ZDHHC16: variants seen among roughly 807,000 people sequenced by gnomAD.
ZDHHC16 encodes palmitoyltransferase ZDHHC16.
Under a neutral mutation model 54.4 loss-of-function variants are expected in ZDHHC16, and 33 were observed. That is an observed-to-expected ratio of 0.61 (90% confidence interval 0.46 to 0.81). The LOEUF is 0.81. Ranked by LOEUF, ZDHHC16 falls within the 30% of genes least tolerant of loss-of-function variation. ZDHHC16 has a pLI of 0.00. For synonymous variants in ZDHHC16, 185 were observed against 182.1 expected, an observed-to-expected ratio of 1.02 and a Z score of -0.13; for missense variants, 420 against 485.9, an observed-to-expected ratio of 0.86 and a Z score of 1.28.
chr10:97,454,914 T>C (rs1847021976), intron 9 of ZDHHC16, 115 bp downstream of exon 9: 3 of 879,028 alleles, frequency 3.4e-6, no homozygotes, highest in Non-Finnish European at 5.5e-6. Flanking sequence ...CTAGTCTAAC[T>C]TAGGTTGGCA....
Position 97,453,786 on chromosome 10 carries a change from T to C in ZDHHC16, c.691-13T>C. ...CCTGAGAGTATAACCAGCACTGTTT[T>C]CCGTCCCCTTAGAAAATGAAACAGC... On this transcript the variant is annotated splice_polypyrimidine_tract_variant and intron_variant, in intron 7 of 11. Transcript: ENST00000393760. 1.2e-6 allele frequency: 2 copies of C among 1,614,226 alleles called. No individual in the cohort carries two copies. The highest frequency in any genetic ancestry group is 1.7e-6 in the Non-Finnish European group (2 of 1,180,040).
intron 3 of ZDHHC16, 77 bp downstream of exon 3, chr10:97,451,995 G>C (rs1050829218): frequency 1.9e-5 from 31 of 1,594,344 alleles, no homozygotes; most frequent in Non-Finnish European, 2.6e-5. Flanking sequence ...CCCAACCCAG[G>C]TTTTGGAGGC....
In ZDHHC16 at chr10:97,446,256, C is replaced by T. The variant is rs368361216; in HGVS notation, c.-283C>T. On this transcript the variant is annotated 5_prime_UTR_variant, in exon 1 of 12. Transcript: ENST00000393760. ...CGGGCCATGGTGGTTTGGATTGAGCCGGGCCCGGCCGGGGCGCCGAGTCGG... is the reference window on the plus strand; with the variant it reads ...CGGGCCATGGTGGTTTGGATTGAGCTGGGCCCGGCCGGGGCGCCGAGTCGG... 1.7e-4 allele frequency: 93 copies of T among 550,554 alleles called. No homozygotes were observed. The East Asian group carries it at 1.8e-3, about 11-fold the overall frequency. The allele number at this position is 550,554 out of a possible 1,614,324, so 34.1% of individuals were successfully genotyped here. A position where few individuals can be genotyped will look rare whatever the true frequency, so the allele number is the denominator to read the frequency against.
rs540392513 is a variant in ZDHHC16, at chr10:97,455,803, C to T, written c.948+20C>T. 3.2e-5 allele frequency: 51 copies of T among 1,610,614 alleles called. No individual in the cohort carries two copies. Among genetic ancestry groups the T allele is most frequent in the Non-Finnish European group, 3.7e-5 (44 of 1,177,176 alleles). ...GGCAGAGTGAGTAGGGTTGAAGGCTCGGGGTGGGTAGGTGGGTAACTGAAC... is the reference window on the plus strand; with the variant it reads ...GGCAGAGTGAGTAGGGTTGAAGGCTTGGGGTGGGTAGGTGGGTAACTGAAC... On this transcript the variant is annotated intron_variant, in intron 10 of 11. Transcript: ENST00000393760.
chr10:97,454,089 G>A (rs947361813), intron 8 of ZDHHC16, among the ~76,000 whole-genome samples: 44 of 152,280 alleles, frequency 2.9e-4, no homozygotes, highest in East Asian at 1.9e-4. Context: ...TCTTTGGGTC[G>A]AGCAAGCAAT....
At position 97,453,835 on chromosome 10, in the gene ZDHHC16, GT is replaced by G; in HGVS notation, c.729del (p.Ala244ProfsTer19). On this transcript the variant is annotated frameshift_variant, in exon 8 of 12. Coordinates refer to ENST00000393760, the MANE Select transcript of ZDHHC16 (RefSeq NM_198046.3). LOFTEE classifies it high-confidence loss of function. ...GCTCGACAAGAACAAACTACAGGCG[GT>G]TGCCAACCAGGTGGGCTGTCCCCAC... ...KQLDKNKLQA[V>X]ANQTYHQTPP... 1 of 1,614,224 alleles carries G rather than the reference GT, an allele frequency of 6.2e-7. No individual in the cohort carries two copies. Among genetic ancestry groups the G allele is most frequent in the East Asian group, 2.2e-5 (1 of 44,882 alleles).
At position 97,455,556 on chromosome 10, in the gene ZDHHC16, G is replaced by C. The variant is rs1349978664; in HGVS notation, c.825-104G>C. On this transcript the variant is annotated intron_variant, in intron 9 of 11. Coordinates refer to ENST00000393760, the MANE Select transcript of ZDHHC16 (RefSeq NM_198046.3). ...TATGGTGGGAGGTGAGGAAGACTTA[G>C]GTAGAGAGGTTCCAAACCAGTTGTT... The C allele has an allele frequency of 5.7e-6, 9 of 1,583,778 alleles. No individual in the cohort carries two copies. The South Asian group carries it at 9.1e-5, about 16-fold the overall frequency.
chr10:97,455,886 G>T, intron 10 of ZDHHC16, 88 bp from the exon 11 acceptor site: 1 of 1,604,560 alleles, frequency 6.2e-7, no homozygotes, highest in Admixed American at 1.7e-5. Context: ...CATTGTAAAA[G>T]GCCAGAACTA....
At chr10:97,456,544 ACTGTG>A (rs1013833790) in intron 11 of ZDHHC16, 13 of 405,244 alleles carry the variant, frequency 3.2e-5, no homozygotes, top group Non-Finnish European at 5.8e-5. Flanking sequence ...CACTCCTATC[ACTGTG>A]CTTACAGTGG....
Position 97,456,885 on chromosome 10 carries a change from AGT to A in ZDHHC16, c.1132_1133del (p.Ter378SerfsTer40). 6.2e-7 allele frequency: 1 copy of A among 1,610,274 alleles called. No homozygotes were observed. The highest frequency in any genetic ancestry group is 8.5e-7 in the Non-Finnish European group (1 of 1,178,328). On this transcript the variant is annotated frameshift_variant, in exon 12 of 12. Transcript: ENST00000393760. LOFTEE classifies it high-confidence loss of function. The part of the protein sequence containing the change: ...VTAHSASVMA[V>X] ...CTGCTCACTCAGCCTCTGTGATGGC[AGT>A]GTGAGCTGGACTGTGTCAGCCACGA...
chr10:97,454,304 G>A (rs1846957069), intron 8 of ZDHHC16, among the ~76,000 whole-genome samples: 1 of 152,066 alleles, frequency 6.6e-6, no homozygotes, highest in East Asian at 1.9e-4. Context: ...CCCTTTCACA[G>A]TCCCTAGTGG....
chr10:97,455,493 C>A, intron 9 of ZDHHC16, 167 bp from the exon 10 acceptor site: 1 of 1,211,092 alleles, frequency 8.3e-7, no homozygotes, highest in Non-Finnish European at 1.2e-6. Context: ...CATTGATGCT[C>A]TTTATAGACA....
intron 4 of ZDHHC16, 54 bp from the exon 5 acceptor site, chr10:97,452,361 A>G: frequency 1.2e-6 from 2 of 1,611,444 alleles, no homozygotes; most frequent in Middle Eastern, 1.7e-4. Flanking sequence ...GTATCTTGGT[A>G]TAGTTTTGAG....
At chr10:97,454,679 G>A in intron 8 of ZDHHC16, 35 bp from the exon 9 acceptor site, 1 of 1,597,890 alleles carries the variant, frequency 6.3e-7, no homozygotes, top group Non-Finnish European at 8.6e-7. Context: ...GACCCACAGA[G>A]CAAATGAGCC....
chr10:97,446,185 A>C lies in ZDHHC16; in HGVS notation c.-354A>C. The C allele has an allele frequency of 1.3e-6, 1 of 758,852 alleles. No individual in the cohort carries two copies. The highest frequency in any genetic ancestry group is 2.7e-5 in the East Asian group (1 of 36,800). The allele number at this position is 758,852 out of a possible 1,614,324, so 47.0% of individuals were successfully genotyped here. On this transcript the variant is annotated 5_prime_UTR_variant, in exon 1 of 12. It removes an upstream start codon present in the reference 5' UTR. Transcript: ENST00000393760. Reference sequence around the variant, plus strand: ...CTGGCGCCTGCGCGTGTGGTTGAGGATGGGCTGGCGGCGGGTCCGGGTCCG... The same window carrying C: ...CTGGCGCCTGCGCGTGTGGTTGAGGCTGGGCTGGCGGCGGGTCCGGGTCCG...
In ZDHHC16 at chr10:97,456,762, T is replaced by G; in HGVS notation, c.1020-15T>G. 1 of 1,579,482 alleles carries G rather than the reference T, an allele frequency of 6.3e-7. No homozygotes were observed. The highest frequency in any genetic ancestry group is 8.7e-7 in the Non-Finnish European group (1 of 1,154,936). ...GAATTCTTGAACTCAGAGACATTTC[T>G]CTCTTCTCTTCTAGGCACTGGCTTA... On this transcript the variant is annotated splice_polypyrimidine_tract_variant and intron_variant, in intron 11 of 11. Transcript: ENST00000393760.
intron 11 of ZDHHC16, 35 bp from the exon 12 acceptor site, chr10:97,456,742 C>CT: frequency 6.6e-7 from 1 of 1,505,026 alleles, no homozygotes; most frequent in Non-Finnish European, 9.1e-7. Context: ...ACCAAGAATT[C>CT]TTGAACTCAG....
chr10:97,454,652 TG>T, intron 8 of ZDHHC16, 61 bp from the exon 9 acceptor site: 1 of 1,419,862 alleles, frequency 7.0e-7, no homozygotes, highest in Non-Finnish European at 1.0e-6. Context: ...CTATAGGTGC[TG>T]GGGGCAGTTG....
Position 97,454,748 on chromosome 10 carries a change from T to G in ZDHHC16, c.773T>G (p.Phe258Cys), listed in dbSNP as rs1322640389. The change falls in exon 9 of 12, where the codon TTT (phenylalanine) becomes TGT (cysteine). Residue 258 changes from phenylalanine to cysteine, a missense_variant. By Grantham distance (205) the Phe-to-Cys change is radical. Transcript: ENST00000393760. The part of the protein sequence containing the change: ...YHQTPPPTFS[F>C]RERMTHKSLV... The stretch of plus-strand genomic sequence containing the variant: ...CAGACCCCACCACCCACCTTCTCCT[T>G]TCGAGAAAGGATGACTCACAAGAGT... The G allele has an allele frequency of 6.2e-7, 1 of 1,614,192 alleles. No homozygotes were observed. The highest frequency in any genetic ancestry group is 1.7e-5 in the Admixed American group (1 of 60,024).
Sources: allele counts gnomAD v4.1 joint callset (sites outside exome capture counted in the v4.1 genomes callset), GRCh38; gene constraint gnomAD v4.1.1; transcripts MANE v1.5; gene names NCBI Gene and HGNC (gene_info 2026-07-23, HGNC 2026-07-21).